Variants in HNF4A observed in about 807,000 individuals in gnomAD.
HNF4A encodes hepatocyte nuclear factor 4-alpha.
HNF4A carries 15 observed loss-of-function variants against 52.4 expected under a neutral mutation model. That is an observed-to-expected ratio of 0.29 (90% CI 0.19 to 0.44). The LOEUF (loss-of-function observed/expected upper bound fraction) is 0.44, where lower values mean the gene tolerates loss of function less well. Ranked by LOEUF, HNF4A falls within the 20% of genes least tolerant of loss-of-function variation. HNF4A has a pLI of 1.00. For synonymous variants in HNF4A, 280 were observed against 264.4 expected (o/e 1.06, Z -0.57); for missense variants, 479 against 647.2 (o/e 0.74, Z 2.82).
At chr20:44,409,364 A>C (rs1397217360) in intron 3 of HNF4A, among the ~76,000 whole-genome samples, 1 of 152,236 alleles carries the variant, frequency 6.6e-6, no homozygotes, top group Admixed American at 6.5e-5. Context: ...GAGGCAAGAA[A>C]AAGATTGAGA....
chr20:44,424,508 C>G (rs2146470991), intron 8 of HNF4A: 1 of 1,036,804 alleles, frequency 9.6e-7, no homozygotes, highest in Non-Finnish European at 1.4e-6. Flanking sequence ...AGAACAAGAT[C>G]TTTGCCCTCG....
chr20:44,381,265 G>A (rs2063149745), intron 1 of HNF4A, among the ~76,000 whole-genome samples: 1 of 148,280 alleles, frequency 6.7e-6, no homozygotes, highest in Non-Finnish European at 1.5e-5. Flanking sequence ...TGAAGCTGTA[G>A]GAATCAGTGA....
intron 1 of HNF4A, among the ~76,000 whole-genome samples, chr20:44,356,555 AACAACGC>A (rs1274613039): frequency 4.6e-5 from 7 of 152,148 alleles, no homozygotes; most frequent in Non-Finnish European, 1.0e-4. Context: ...TGTTCAAGGA[AACAACGC>A]ACATCTGTGT....
At chr20:44,404,895 CTGTGGTGTG>C (rs1403431682) in intron 1 of HNF4A, among the ~76,000 whole-genome samples, 3 of 50,502 alleles carry the variant, frequency 5.9e-5, no homozygotes, top group Admixed American at 4.8e-4. Context: ...TGTGTGTGAA[CTGTGGTGTG>C]TGTGGTGTGT....
intron 1 of HNF4A, among the ~76,000 whole-genome samples, chr20:44,403,987 G>A (rs191548369): frequency 9.2e-5 from 14 of 152,274 alleles, no homozygotes; most frequent in African/African-American, 3.1e-4. Flanking sequence ...GGGCACCCAC[G>A]TGGCTTAACA....
At chr20:44,382,888 G>C (rs1239847909) in intron 1 of HNF4A, among the ~76,000 whole-genome samples, 10 of 152,150 alleles carry the variant, frequency 6.6e-5, no homozygotes, top group Admixed American at 2.0e-4. Context: ...ATTTCTCCAG[G>C]CTGGGTGGGG....
upstream of HNF4A, chr20:44,401,188 T>G (rs994947468): frequency 7.1e-5 from 101 of 1,429,866 alleles, no homozygotes; most frequent in Non-Finnish European, 9.0e-5. Context: ...CCCCCACCCC[T>G]CCCCGGCAGA....
intron 4 of HNF4A, among the ~76,000 whole-genome samples, chr20:44,414,057 C>A (rs112601525): frequency 1.1e-4 from 17 of 152,366 alleles, no homozygotes; most frequent in African/African-American, 3.6e-4. Flanking sequence ...TTCACCTTCA[C>A]TGAGGGCCTG....
At chr20:44,424,323 A>G in intron 8 of HNF4A, 69 bp downstream of exon 8, 1 of 1,594,494 alleles carries the variant, frequency 6.3e-7, no homozygotes, top group Non-Finnish European at 8.5e-7. Context: ...TCACACAGTG[A>G]GCTCACCCCT....
intron 3 of HNF4A, among the ~76,000 whole-genome samples, chr20:44,411,931 C>T (rs1352945422): frequency 6.6e-6 from 1 of 151,772 alleles, no homozygotes; most frequent in Non-Finnish European, 1.5e-5. Context: ...GTGGCACACG[C>T]CTATAATCCC....
chr20:44,400,785 C>A (rs1264465809), upstream of HNF4A, among the ~76,000 whole-genome samples: 1 of 152,170 alleles, frequency 6.6e-6, no homozygotes. Flanking sequence ...GAACAAGGAT[C>A]CAGAAGATTG....
At chr20:44,412,053 T>C (rs1181550087) in intron 3 of HNF4A, among the ~76,000 whole-genome samples, 3 of 144,118 alleles carry the variant, frequency 2.1e-5, no homozygotes, top group Non-Finnish European at 3.1e-5. Context: ...TGAGACCCCA[T>C]CTCGAAAAAA....
upstream of HNF4A, among the ~76,000 whole-genome samples, chr20:44,398,264 T>C (rs1420899936): frequency 6.6e-6 from 1 of 152,268 alleles, no homozygotes; most frequent in Non-Finnish European, 1.5e-5. Context: ...ATGTCATGTG[T>C]ATTCAGTTCT....
chr20:44,423,363 C>T (rs2063773481), intron 7 of HNF4A, among the ~76,000 whole-genome samples: 1 of 152,064 alleles, frequency 6.6e-6, no homozygotes, highest in South Asian at 2.1e-4. Flanking sequence ...CATACGCGTG[C>T]CCCTGCCAAA....
intron 1 of HNF4A, among the ~76,000 whole-genome samples, chr20:44,358,618 AC>A (rs2062884730): frequency 1.6e-5 from 2 of 126,572 alleles, no homozygotes; most frequent in Admixed American, 7.7e-5. Context: ...CTCAAAAAAA[AC>A]AAAACAAAAC....
chr20:44,402,485 C>A, intron 1 of HNF4A: 1 of 1,104,050 alleles, frequency 9.1e-7, no homozygotes, highest in Non-Finnish European at 1.2e-6. Flanking sequence ...GACCCAAATG[C>A]AGGACTCTGT....
At chr20:44,366,372 G>A (rs2062970297) in intron 1 of HNF4A, among the ~76,000 whole-genome samples, 1 of 152,112 alleles carries the variant, frequency 6.6e-6, no homozygotes, top group African/African-American at 2.4e-5. Flanking sequence ...TGTAATCCTA[G>A]TACTTTGGGA....
At position 44,424,359 on chromosome 20, in the gene HNF4A, C is replaced by T. The variant is rs369902515; in HGVS notation, c.1129+105C>T. The stretch of plus-strand genomic sequence containing the variant: ...CAGCTCCTTGGCTTCCCCACTGTGC[C>T]GCTTTGGGCAAGTTGCTTAACCTGT... On this transcript the variant is annotated intron_variant, in intron 8 of 9. Coordinates refer to ENST00000316099, the MANE Select transcript of HNF4A (RefSeq NM_000457.6). The T allele has an allele frequency of 7.8e-6, 12 of 1,547,272 alleles. No homozygotes were observed. In the African/African-American group the frequency reaches 1.2e-4, roughly 16 times the overall value.
chr20:44,397,647 A>G (rs1456520843), upstream of HNF4A, among the ~76,000 whole-genome samples: 3 of 150,430 alleles, frequency 2.0e-5, no homozygotes, highest in African/African-American at 7.3e-5. Flanking sequence ...TTTTTTTTAG[A>G]CAGAGTCTTG....
Sources: gnomAD v4.1 joint callset for allele counts (sites outside exome capture counted in the v4.1 genomes callset) on GRCh38, gnomAD v4.1.1 for gene constraint, MANE v1.5 for transcripts, NCBI Gene and HGNC (gene_info 2026-07-23, HGNC 2026-07-21) for gene names.